The following PRKG1 variants were observed in gnomAD, a reference collection of about 807,000 sequenced individuals.
PRKG1 encodes protein kinase cGMP-dependent 1, also known as cGMP-dependent protein kinase 1.
PRKG1 carries 35 observed loss-of-function variants against 88.1 expected under a neutral mutation model. The observed-to-expected ratio is 0.40, with a 90% CI of 0.30 to 0.53. The LOEUF is 0.53. Ranked by LOEUF, PRKG1 falls within the 20% of genes least tolerant of loss-of-function variation. The probability of loss-of-function intolerance (pLI) is 0.59; values close to 1 mark genes in which losing one functional copy is unlikely to be tolerated. For synonymous variants in PRKG1, 303 were observed against 292.5 expected, an observed-to-expected ratio of 1.04 and a Z score of -0.37; for missense variants, 540 against 839.8, an observed-to-expected ratio of 0.64 and a Z score of 4.41.
At chr10:52,162,045 A>G (rs1838290373) in intron 9 of PRKG1, 82 bp downstream of exon 9, 1 of 1,172,384 alleles carries the variant, frequency 8.5e-7, no homozygotes. Flanking sequence ...GACTTGACAC[A>G]TCCCAACACT....
chr10:51,703,751 A>G (rs1841532151), intron 3 of PRKG1, among the ~76,000 whole-genome samples: 1 of 152,174 alleles, frequency 6.6e-6, no homozygotes, highest in African/African-American at 2.4e-5. Flanking sequence ...GCCCTACTCC[A>G]AATCTATTGC....
intron 3 of PRKG1, among the ~76,000 whole-genome samples, chr10:51,553,878 GATAC>G (rs1837213125): frequency 8.7e-6 from 1 of 114,388 alleles, no homozygotes; most frequent in African/African-American, 3.4e-5. Flanking sequence ...GTATGTATTA[GATAC>G]GTGTATATAA....
Position 52,010,501 on chromosome 10 carries a change from G to T in PRKG1, c.763-43983G>T, listed in dbSNP as rs77397527. On this transcript the variant is annotated intron_variant, in intron 5 of 17. Coordinates refer to ENST00000373980, the MANE Select transcript of PRKG1 (RefSeq NM_006258.4). ...AACCAGGGGTGTTGAAAAACTAACTGCTGAGTACTATACTCATCATCTGGG... is the reference window on the plus strand; with the variant it reads ...AACCAGGGGTGTTGAAAAACTAACTTCTGAGTACTATACTCATCATCTGGG... Among the ~76,000 whole-genome samples the T allele has an allele frequency of 3.2e-3, 488 of 152,168 alleles. 4 individuals carry two copies. The highest frequency in any genetic ancestry group is 0.011 in the African/African-American group (440 of 41,540).
intron 3 of PRKG1, among the ~76,000 whole-genome samples, chr10:51,473,581 T>C (rs898457597): frequency 3.3e-5 from 5 of 151,892 alleles, no homozygotes; most frequent in South Asian, 2.1e-4. Flanking sequence ...ATAAACTTAA[T>C]TCCTTCTGAA....
chr10:51,652,237 A>G (rs1011912659), intron 3 of PRKG1, among the ~76,000 whole-genome samples: 2 of 152,130 alleles, frequency 1.3e-5, no homozygotes, highest in Admixed American at 1.3e-4. Context: ...GGATTCCGAT[A>G]TAATAGCACT....
rs180696643 is a variant in PRKG1 at position 51,706,563 on chromosome 10, G to A, written c.593-98022G>A. Reference sequence around the variant, plus strand: ...AGAAAAGAAAATGACGCCCAGGAAAGGAAAGAAATTAGACCAGGCTCAAAT... The same window carrying A: ...AGAAAAGAAAATGACGCCCAGGAAAAGAAAGAAATTAGACCAGGCTCAAAT... On this transcript the variant is annotated intron_variant, in intron 3 of 17. Coordinates refer to ENST00000373980, the MANE Select transcript of PRKG1 (RefSeq NM_006258.4). Among the ~76,000 whole-genome samples, 273 of 152,140 alleles carry A rather than the reference G, an allele frequency of 1.8e-3. 1 individual carries two copies. Among genetic ancestry groups the A allele is most frequent in the African/African-American group, 6.3e-3 (262 of 41,504 alleles).
chr10:51,334,226 C>T (rs1841817697), intron 2 of PRKG1, among the ~76,000 whole-genome samples: 1 of 150,524 alleles, frequency 6.6e-6, no homozygotes, highest in South Asian at 2.1e-4. Context: ...CATGCATTGA[C>T]CATCTTTGCT....
chr10:51,822,958 G>A (rs1454424596), intron 4 of PRKG1, among the ~76,000 whole-genome samples: 1 of 152,092 alleles, frequency 6.6e-6, no homozygotes, highest in Non-Finnish European at 1.5e-5. Flanking sequence ...ACACTATTTA[G>A]TGGGAATTCA....
intron 5 of PRKG1, among the ~76,000 whole-genome samples, chr10:51,995,804 T>C (rs933006891): frequency 2.0e-5 from 3 of 152,154 alleles, no homozygotes; most frequent in Non-Finnish European, 4.4e-5. Context: ...GATATGAAGC[T>C]TAATTGAGAC....
chr10:51,205,127 C>CTTTTTTTTTTCTTTTTTTTTTTT (rs1838016431), intron 2 of PRKG1, among the ~76,000 whole-genome samples: 1 of 64,030 alleles, frequency 1.6e-5, no homozygotes, highest in African/African-American at 5.8e-5. Flanking sequence ...ATTTTCTTTT[C>CTTTTTTTTTTCTTTTTTTTTTTT]TTTTTTTTTT....
At chr10:52,085,700 G>A (rs562766281) in intron 7 of PRKG1, among the ~76,000 whole-genome samples, 63 of 152,016 alleles carry the variant, frequency 4.1e-4, no homozygotes, top group Non-Finnish European at 7.1e-4. Context: ...ATGTGCTCAC[G>A]GCTACTTGGG....
chr10:52,102,303 C>T (rs1348953846), intron 7 of PRKG1, among the ~76,000 whole-genome samples: 1 of 152,040 alleles, frequency 6.6e-6, no homozygotes, highest in African/African-American at 2.4e-5. Context: ...TTAATTCAGC[C>T]TCTAGACCAG....
At chr10:51,759,155 A>G (rs922200073) in intron 3 of PRKG1, among the ~76,000 whole-genome samples, 2 of 152,198 alleles carry the variant, frequency 1.3e-5, no homozygotes, top group Non-Finnish European at 2.9e-5. Context: ...TGAAATAAAC[A>G]TACATGTGCA....
At chr10:51,504,913 G>A (rs1841149508) in intron 3 of PRKG1, among the ~76,000 whole-genome samples, 1 of 152,158 alleles carries the variant, frequency 6.6e-6, no homozygotes, top group South Asian at 2.1e-4. Context: ...CATGTCATCT[G>A]CAAACAGGGA....
At chr10:52,290,514 T>A (rs564105503) in intron 17 of PRKG1, among the ~76,000 whole-genome samples, 1 of 152,314 alleles carries the variant, frequency 6.6e-6, no homozygotes, top group South Asian at 2.1e-4. Flanking sequence ...TTTTTAACTA[T>A]TCATTTGATT....
In PRKG1 at chr10:51,729,706, C is replaced by CAAAAAAAAA. The variant is rs34900286; in HGVS notation, c.593-74859_593-74851dup. Among the ~76,000 whole-genome samples the CAAAAAAAAA allele has an allele frequency of 9.7e-4, 28 of 28,776 alleles. 2 individuals are homozygous for CAAAAAAAAA. Among genetic ancestry groups the CAAAAAAAAA allele is most frequent in the African/African-American group, 3.1e-3 (27 of 8,732 alleles). 18.9% of individuals were successfully genotyped at this position (28,776 alleles called of 152,430 possible). ...TGGGCAACAGAGTGAGACTCCATCT[C>CAAAAAAAAA]AAAAAAAAAAAAAAAAAAAAAAAAA... On this transcript the variant is annotated intron_variant, in intron 3 of 17. Coordinates refer to ENST00000373980, the MANE Select transcript of PRKG1 (RefSeq NM_006258.4).
At chr10:52,270,193 T>C (rs553377625) in intron 10 of PRKG1, among the ~76,000 whole-genome samples, 1 of 152,198 alleles carries the variant, frequency 6.6e-6, no homozygotes, top group East Asian at 1.9e-4. Context: ...GGTCCACCAC[T>C]CAAGCTAAAA....
chr10:51,257,656 T>C (rs1589286042), intron 2 of PRKG1, among the ~76,000 whole-genome samples: 1 of 152,270 alleles, frequency 6.6e-6, no homozygotes, highest in Middle Eastern at 3.4e-3. Flanking sequence ...TGACACATTC[T>C]ACCAGCTTAG....
intron 9 of PRKG1, among the ~76,000 whole-genome samples, chr10:52,196,019 T>G (rs893005285): frequency 1.6e-4 from 24 of 145,892 alleles, no homozygotes; most frequent in African/African-American, 5.9e-4. Context: ...TTGTTTTTTG[T>G]TTTTTTTTCC....
Sources: gnomAD v4.1 joint callset for allele counts (sites outside exome capture counted in the v4.1 genomes callset) on GRCh38, gnomAD v4.1.1 for gene constraint, MANE v1.5 for transcripts, NCBI Gene and HGNC (gene_info 2026-07-23, HGNC 2026-07-21) for gene names.